Variants in ZBTB8B observed in about 807,000 individuals in gnomAD.
ZBTB8B encodes the protein zinc finger and BTB domain-containing protein 8B.
In ZBTB8B, 17 loss-of-function variants were observed where a neutral mutation model predicts 30.3. The observed-to-expected ratio is 0.56, with a 90% CI of 0.38 to 0.84. ZBTB8B has a LOEUF of 0.84. ZBTB8B is among the 40% of genes least tolerant of loss of function. ZBTB8B has a pLI of 0.00. For missense variants in ZBTB8B, 515 were observed against 644.9 expected, an observed-to-expected ratio of 0.80 and a Z score of 2.18; for synonymous variants, 248 against 255.6, an observed-to-expected ratio of 0.97 and a Z score of 0.28.
In ZBTB8B at chr1:32,490,071, T is replaced by G. The variant is rs1428485240; in HGVS notation, c.*4653T>G. Reference sequence around the variant, plus strand: ...AGGCAACAGGTAGGGCTGCATGCACTGATTCTGGGAGCCGTAGGAAAGAGT... The same window carrying G: ...AGGCAACAGGTAGGGCTGCATGCACGGATTCTGGGAGCCGTAGGAAAGAGT... On this transcript the variant is annotated 3_prime_UTR_variant, in exon 4 of 4. Coordinates refer to ENST00000609129, the MANE Select transcript of ZBTB8B (RefSeq NM_001145720.2). 6.6e-6 allele frequency: 1 copy of G among 152,224 alleles called. No homozygotes were observed. The highest frequency in any genetic ancestry group is 1.5e-5 in the Non-Finnish European group (1 of 68,036). 9.4% of individuals were successfully genotyped at this position (152,224 alleles called of 1,614,324 possible).
chr1:32,466,401 A>AC (rs1643570705), intron 1 of ZBTB8B, among the ~76,000 whole-genome samples: 1 of 152,060 alleles, frequency 6.6e-6, no homozygotes, highest in Admixed American at 6.5e-5. Flanking sequence ...GTAACCGTTG[A>AC]ATTGAGTTGG....
In ZBTB8B at chr1:32,496,567, A is replaced by G. The variant is rs1475307338; in HGVS notation, c.*11149A>G. Reference sequence around the variant, plus strand: ...GAATTGAATTGGTTTTTAAGTGGTAATGTACCAGGTCTGTTTATATAGGTC... The same window carrying G: ...GAATTGAATTGGTTTTTAAGTGGTAGTGTACCAGGTCTGTTTATATAGGTC... On this transcript the variant is annotated 3_prime_UTR_variant, in exon 4 of 4. Transcript: ENST00000609129. The G allele has an allele frequency of 6.6e-6, 1 of 152,196 alleles. No homozygotes were observed. Among genetic ancestry groups the G allele is most frequent in the East Asian group, 1.9e-4 (1 of 5,204 alleles). The allele number at this position is 152,196 out of a possible 1,614,324, so 9.4% of individuals were successfully genotyped here.
At chr1:32,476,120 G>GTTTGTTTTGTTTTGT (rs375279635) in intron 2 of ZBTB8B, among the ~76,000 whole-genome samples, 3 of 151,398 alleles carry the variant, frequency 2.0e-5, no homozygotes, top group Admixed American at 6.6e-5. Flanking sequence ...GCCTGGCCAG[G>GTTTGTTTTGTTTTGT]TTTGTTTTGT....
At chr1:32,472,128 G>GCCA (rs966006950) in intron 2 of ZBTB8B, among the ~76,000 whole-genome samples, 8 of 151,772 alleles carry the variant, frequency 5.3e-5, no homozygotes, top group Non-Finnish European at 7.4e-5. Flanking sequence ...CACCATTATT[G>GCCA]CCACCACCAC....
intron 2 of ZBTB8B, 70 bp from the exon 3 acceptor site, chr1:32,480,821 A>C (rs1311894171): frequency 2.1e-6 from 3 of 1,430,326 alleles, no homozygotes; most frequent in Non-Finnish European, 2.8e-6. Context: ...TCTGGATCCC[A>C]TCCACCGGCG....
intron 2 of ZBTB8B, among the ~76,000 whole-genome samples, chr1:32,479,660 C>T (rs890070149): frequency 2.6e-5 from 4 of 152,150 alleles, no homozygotes; most frequent in Admixed American, 6.5e-5. Flanking sequence ...TCACAGGATC[C>T]GCAGGGCTGA....
intron 2 of ZBTB8B, among the ~76,000 whole-genome samples, chr1:32,478,481 C>T (rs1249976585): frequency 6.6e-6 from 1 of 152,112 alleles, no homozygotes; most frequent in Non-Finnish European, 1.5e-5. Context: ...CACTGTACTC[C>T]AGCCTGGGTG....
rs59559091 is a variant in ZBTB8B at position 32,483,244 on chromosome 1, C to CAAAAAAAA, written c.1171-1833_1171-1826dup. 7.7e-3 allele frequency among the ~76,000 whole-genome samples: 434 copies of CAAAAAAAA among 56,380 alleles called. 34 individuals are homozygous for CAAAAAAAA. Among genetic ancestry groups the CAAAAAAAA allele is most frequent in the Non-Finnish European group, 8.8e-3 (318 of 35,990 alleles). The allele number at this position is 56,380 out of a possible 152,430, so 37.0% of individuals were successfully genotyped here. On this transcript the variant is annotated intron_variant, in intron 3 of 3. Coordinates refer to ENST00000609129, the MANE Select transcript of ZBTB8B (RefSeq NM_001145720.2). ...CGAAACCCCTTATCTACTAAAAATCCAAAAAAAAAAAAAAAAAAAAAAAAA... is the reference window on the plus strand; with the variant it reads ...CGAAACCCCTTATCTACTAAAAATCCAAAAAAAAAAAAAAAAAAAAAAAAAAAAAAAAA...
At chr1:32,482,449 G>C (rs907703748) in intron 3 of ZBTB8B, among the ~76,000 whole-genome samples, 3 of 151,950 alleles carry the variant, frequency 2.0e-5, no homozygotes, top group African/African-American at 7.2e-5. Context: ...GAGGTGGGCA[G>C]ATCACAAGAT....
intron 3 of ZBTB8B, 37 bp downstream of exon 3, chr1:32,481,106 G>T (rs1411507792): frequency 1.3e-6 from 2 of 1,510,218 alleles, no homozygotes; most frequent in Non-Finnish European, 1.8e-6. Context: ...TGTGGCAAGA[G>T]CTATTCATGA....
rs778494413 is a variant in ZBTB8B at position 32,496,093 on chromosome 1, C to T, written c.*10675C>T. On this transcript the variant is annotated 3_prime_UTR_variant, in exon 4 of 4. Coordinates refer to ENST00000609129, the MANE Select transcript of ZBTB8B (RefSeq NM_001145720.2). Reference sequence around the variant, plus strand: ...TAAAGAGAACTATTAGAGCTCTAAACAGAAGAAGCTTCCATCAAACCGTTT... The same window carrying T: ...TAAAGAGAACTATTAGAGCTCTAAATAGAAGAAGCTTCCATCAAACCGTTT... 4 of 152,062 alleles carry T rather than the reference C, an allele frequency of 2.6e-5. No homozygotes were observed. The highest frequency in any genetic ancestry group is 5.9e-5 in the Non-Finnish European group (4 of 68,018). The allele number at this position is 152,062 out of a possible 1,614,324, so 9.4% of individuals were successfully genotyped here. A position where few individuals can be genotyped will look rare whatever the true frequency, so the allele number is the denominator to read the frequency against.
In ZBTB8B at chr1:32,483,242, TCCAAA is replaced by T. The variant is rs1384339241; in HGVS notation, c.1171-1858_1171-1854del. Among the ~76,000 whole-genome samples, 6 of 33,100 alleles carry T rather than the reference TCCAAA, an allele frequency of 1.8e-4. 1 individual carries two copies. The highest frequency in any genetic ancestry group is 4.0e-4 in the African/African-American group (3 of 7,492). The allele number at this position is 33,100 out of a possible 152,430, so 21.7% of individuals were successfully genotyped here. A position where few individuals can be genotyped will look rare whatever the true frequency, so the allele number is the denominator to read the frequency against. On this transcript the variant is annotated intron_variant, in intron 3 of 3. Coordinates refer to ENST00000609129, the MANE Select transcript of ZBTB8B (RefSeq NM_001145720.2). ...GGCGAAACCCCTTATCTACTAAAAATCCAAAAAAAAAAAAAAAAAAAAAAAAAAAA... is the reference window on the plus strand; with the variant it reads ...GGCGAAACCCCTTATCTACTAAAAATAAAAAAAAAAAAAAAAAAAAAAAAA...
intron 1 of ZBTB8B, among the ~76,000 whole-genome samples, chr1:32,469,246 A>ATTTTTTTTTTTTTTTTTTTTTTTTTTT (rs541160413): frequency 8.5e-6 from 1 of 117,352 alleles, no homozygotes. Flanking sequence ...CTCAAGTATA[A>ATTTTTTTTTTTTTTTTTTTTTTTTTTT]TTTTTTTTTT....
At chr1:32,483,953 T>A (rs1216270006) in intron 3 of ZBTB8B, among the ~76,000 whole-genome samples, 2 of 151,742 alleles carry the variant, frequency 1.3e-5, no homozygotes, top group African/African-American at 4.8e-5. Flanking sequence ...GCTTGAAATC[T>A]CAACACCTTA....
intron 2 of ZBTB8B, among the ~76,000 whole-genome samples, chr1:32,474,621 T>C (rs1035163197): frequency 2.6e-5 from 4 of 152,150 alleles, no homozygotes; most frequent in Non-Finnish European, 4.4e-5. Flanking sequence ...ATTGGGAAGA[T>C]AGTGGCTGCT....
rs1643701067 is a variant in ZBTB8B, at chr1:32,481,057, C to G, written c.1158C>G (p.Ser386Arg). ...TCACTCGACAAGAGCACCTGCGGAGCCACGCACTGAGTGTAAGTGTTCGAG... is the reference window on the plus strand; with the variant it reads ...TCACTCGACAAGAGCACCTGCGGAGGCACGCACTGAGTGTAAGTGTTCGAG... ...KRFTRQEHLRSHALSVHRSNR... is the reference protein window; with the variant it reads ...KRFTRQEHLRRHALSVHRSNR... Residue 386 changes from serine (S) to arginine (R), a missense_variant, in exon 3 of 4, where the codon AGC becomes AGG. Ser to Arg is a moderately radical substitution (Grantham distance 110, BLOSUM62 -1). Around this residue, in one of 3 missense-constraint regions of ZBTB8B, gnomAD observed 429 missense variants for 504.3 expected, o/e 0.85. Coordinates refer to ENST00000609129, the MANE Select transcript of ZBTB8B (RefSeq NM_001145720.2). 6.4e-7 allele frequency: 1 copy of G among 1,551,220 alleles called. No homozygotes were observed. The highest frequency in any genetic ancestry group is 1.4e-5 in the African/African-American group (1 of 73,042).
rs1570270410 is a variant in ZBTB8B at position 32,496,635 on chromosome 1, A to C, written c.*11217A>C. ...ATTGTTTTGCTGTTTTTACTTTTTT[A>C]TATATAAAGAACTAAAATTACGAGA... On this transcript the variant is annotated 3_prime_UTR_variant, in exon 4 of 4. Coordinates refer to ENST00000609129, the MANE Select transcript of ZBTB8B (RefSeq NM_001145720.2). 1 of 152,164 alleles carries C rather than the reference A, an allele frequency of 6.6e-6. No individual in the cohort carries two copies. Among genetic ancestry groups the C allele is most frequent in the Admixed American group, 6.5e-5 (1 of 15,274 alleles). 9.4% of individuals were successfully genotyped at this position (152,164 alleles called of 1,614,324 possible).
Position 32,485,385 on chromosome 1 carries a change from G to A in ZBTB8B, c.1455G>A (p.Gln485=), listed in dbSNP as rs1390737445. 1.4e-5 allele frequency: 21 copies of A among 1,551,910 alleles called. No homozygotes were observed. Among genetic ancestry groups the A allele is most frequent in the Non-Finnish European group, 1.6e-5 (18 of 1,147,018 alleles). Residue 485 remains glutamine, a synonymous_variant, in exon 4 of 4, where the codon CAG becomes CAA. Transcript: ENST00000609129. ...GDDSDDKPQI[Q]PNLSDRETLT ...ATTCTGATGACAAACCACAAATTCA[G>A]CCTAACTTATCAGACCGAGAGACAC...
In ZBTB8B at chr1:32,465,843, G is replaced by A. The variant is rs770210241; in HGVS notation, c.-42+738G>A. On this transcript the variant is annotated intron_variant, in intron 1 of 3. Transcript: ENST00000609129. The surrounding 1 kb of genome is among the most constrained non-coding windows in gnomAD (Gnocchi z 4.1). ...TTCCTCCTCTGAAAAAGAGGATGTA[G>A]TTAGAGTATCTGTCGTACTGGATTA... 1.3e-5 allele frequency among the ~76,000 whole-genome samples: 2 copies of A among 152,116 alleles called. No individual in the cohort carries two copies. The highest frequency in any genetic ancestry group is 4.8e-5 in the African/African-American group (2 of 41,424).
Sources: gnomAD v4.1 joint callset for allele counts (sites outside exome capture counted in the v4.1 genomes callset) on GRCh38, gnomAD v4.1.1 for gene constraint, gnomAD v4.1.1 regional missense constraint, Gnocchi (gnomAD v3.1) non-coding constraint, MANE v1.5 for transcripts, NCBI Gene and HGNC (gene_info 2026-07-23, HGNC 2026-07-21) for gene names.